Variants in OXCT1 observed in about 807,000 individuals in gnomAD.
The protein encoded by OXCT1 is 3-oxoacid CoA-transferase 1.
In OXCT1, 27 loss-of-function variants were observed where a neutral mutation model predicts 69.6. That is an observed-to-expected ratio of 0.39 (90% CI 0.29 to 0.54). The LOEUF is 0.54. OXCT1 is among the 20% of genes least tolerant of loss of function. The probability of loss-of-function intolerance (pLI) is 0.72; values close to 1 mark genes in which losing one functional copy is unlikely to be tolerated. For synonymous variants in OXCT1, 202 were observed against 217.8 expected (o/e 0.93, Z 0.64); for missense variants, 437 against 650.2 (o/e 0.67, Z 3.57).
Position 41,801,068 on chromosome 5 carries a change from A to G in OXCT1, c.1053T>C (p.Gly351=), listed in dbSNP as rs1269733195. 6.2e-7 allele frequency: 1 copy of G among 1,608,142 alleles called. No individual in the cohort carries two copies. Among genetic ancestry groups the G allele is most frequent in the East Asian group, 2.2e-5 (1 of 44,824 alleles). ...LQSENGVLGL[G]PYPRQHEADA... is the part of the protein sequence containing the mutation. ...CAGCTTCATGTTGTCGTGGATATGG[A>G]CCCTGTCAAATACAACATACATTCA... Residue 351 remains glycine (G), a splice_region_variant and synonymous_variant, in exon 11 of 17, where the codon GGT becomes GGC. Transcript: ENST00000196371.
At chr5:41,861,728 A>G (rs1749749088) in intron 2 of OXCT1, among the ~76,000 whole-genome samples, 1 of 152,202 alleles carries the variant, frequency 6.6e-6, no homozygotes, top group Admixed American at 6.5e-5. Flanking sequence ...CAGTTTTTCT[A>G]CAACTTTTTC....
At chr5:41,810,582 A>C (rs1746927488) in intron 7 of OXCT1, among the ~76,000 whole-genome samples, 1 of 152,066 alleles carries the variant, frequency 6.6e-6, no homozygotes, top group African/African-American at 2.4e-5. Context: ...AATAGACACT[A>C]GGAAATGTTG....
intron 13 of OXCT1, among the ~76,000 whole-genome samples, chr5:41,774,198 C>A (rs1424303688): frequency 6.6e-6 from 1 of 152,160 alleles, no homozygotes; most frequent in Non-Finnish European, 1.5e-5. Context: ...CACCTTGAGA[C>A]CGTTATTCAG....
intron 15 of OXCT1, among the ~76,000 whole-genome samples, chr5:41,743,125 T>G (rs1743265832): frequency 1.3e-5 from 2 of 152,186 alleles, no homozygotes; most frequent in African/African-American, 4.8e-5. Context: ...TTTCTCCACA[T>G]CCTCTCCAGC....
intron 14 of OXCT1, among the ~76,000 whole-genome samples, chr5:41,750,681 A>C (rs988615963): frequency 2.0e-5 from 3 of 152,124 alleles, no homozygotes; most frequent in Non-Finnish European, 2.9e-5. Flanking sequence ...TATCTCTCCC[A>C]AAACTGGTGT....
At chr5:41,817,170 A>C (rs527249661) in intron 7 of OXCT1, among the ~76,000 whole-genome samples, 14 of 152,328 alleles carry the variant, frequency 9.2e-5, no homozygotes, top group Middle Eastern at 3.4e-3. Context: ...GTCAATATTT[A>C]GTAAGGGACA....
intron 8 of OXCT1, 121 bp downstream of exon 8, chr5:41,807,210 C>A: frequency 1.4e-6 from 1 of 703,432 alleles, no homozygotes; most frequent in Non-Finnish European, 2.6e-6. Flanking sequence ...GAAGCTCTTA[C>A]TAAGATCCAA....
chr5:41,776,716 A>C (rs1229202868), intron 13 of OXCT1, among the ~76,000 whole-genome samples: 2 of 152,250 alleles, frequency 1.3e-5, no homozygotes, highest in African/African-American at 4.8e-5. Flanking sequence ...CAAAGTCATG[A>C]GTTAGTCTCT....
At chr5:41,861,603 T>C (rs555603684) in intron 2 of OXCT1, among the ~76,000 whole-genome samples, 199 bp from the exon 3 acceptor site, 1 of 152,326 alleles carries the variant, frequency 6.6e-6, no homozygotes, top group East Asian at 1.9e-4. Context: ...TTATATCACA[T>C]ATCACTGCCC....
chr5:41,733,317 G>C (rs1306244735), intron 16 of OXCT1, among the ~76,000 whole-genome samples: 1 of 150,584 alleles, frequency 6.6e-6, no homozygotes, highest in Non-Finnish European at 1.5e-5. Flanking sequence ...CGCGATCTTG[G>C]CTCACCGCAA....
intron 1 of OXCT1, among the ~76,000 whole-genome samples, chr5:41,863,061 T>C (rs1184550293): frequency 6.6e-6 from 1 of 152,182 alleles, no homozygotes; most frequent in Non-Finnish European, 1.5e-5. Context: ...TGCATTCTTA[T>C]AACTTTTATT....
intron 13 of OXCT1, among the ~76,000 whole-genome samples, chr5:41,789,054 T>C (rs1465103515): frequency 6.6e-6 from 1 of 152,198 alleles, no homozygotes; most frequent in African/African-American, 2.4e-5. Context: ...GATTAGAAAG[T>C]ATTTTGAAGA....
chr5:41,825,027 T>C (rs188287606), intron 7 of OXCT1, among the ~76,000 whole-genome samples: 119 of 152,330 alleles, frequency 7.8e-4, no homozygotes, highest in African/African-American at 2.8e-3. Flanking sequence ...ATAGATTCTT[T>C]AAATGAATCA....
At chr5:41,850,638 C>A (rs758270551) in intron 4 of OXCT1, among the ~76,000 whole-genome samples, 1 of 151,830 alleles carries the variant, frequency 6.6e-6, no homozygotes, top group African/African-American at 2.4e-5. Context: ...TATTTTAAAC[C>A]ATTTTCATAA....
At chr5:41,825,104 C>T (rs1747740214) in intron 7 of OXCT1, among the ~76,000 whole-genome samples, 1 of 152,130 alleles carries the variant, frequency 6.6e-6, no homozygotes, top group African/African-American at 2.4e-5. Flanking sequence ...TTTAACTTTC[C>T]TCAGGTAGGA....
chr5:41,813,575 CA>C (rs1331141447), intron 7 of OXCT1, among the ~76,000 whole-genome samples: 2 of 152,028 alleles, frequency 1.3e-5, no homozygotes, highest in African/African-American at 4.8e-5. Flanking sequence ...AACATATTTA[CA>C]AGGCTTTAAA....
chr5:41,741,411 A>G (rs1480560847), intron 15 of OXCT1, among the ~76,000 whole-genome samples: 2 of 152,198 alleles, frequency 1.3e-5, no homozygotes, highest in South Asian at 2.1e-4. Context: ...ACTGTTATGC[A>G]ACCTTTAGTG....
intron 13 of OXCT1, among the ~76,000 whole-genome samples, chr5:41,782,663 T>C (rs975272193): frequency 6.6e-6 from 1 of 152,236 alleles, no homozygotes; most frequent in Non-Finnish European, 1.5e-5. Context: ...TTCAGATGGA[T>C]AGATTGCAAA....
At chr5:41,843,580 T>C (rs4957429) in intron 5 of OXCT1, 11,231 of 456,172 alleles carry the variant, frequency 0.025, 592 homozygotes, top group Admixed American at 0.11. Flanking sequence ...CTTGCCATCA[T>C]GTTCTTTTAT....
Sources: allele counts gnomAD v4.1 joint callset (sites outside exome capture counted in the v4.1 genomes callset), GRCh38; gene constraint gnomAD v4.1.1; transcripts MANE v1.5; gene names NCBI Gene and HGNC (gene_info 2026-07-23, HGNC 2026-07-21).